The following DENND1A variants were observed in gnomAD, a reference collection of about 807,000 sequenced individuals.
DENND1A encodes the protein DENN domain containing 1A.
A neutral mutation model predicts 113.7 loss-of-function variants in DENND1A; 51 were observed. That is an observed-to-expected ratio of 0.45 (90% CI 0.36 to 0.57). The LOEUF is 0.57. Ranked by LOEUF, DENND1A falls within the 20% of genes least tolerant of loss-of-function variation. DENND1A has a pLI of 0.00. For synonymous variants in DENND1A, 565 were observed against 570.8 expected (o/e 0.99, Z 0.14); for missense variants, 1,258 against 1,395.9 (o/e 0.90, Z 1.57).
chr9:123,779,457 G>A (rs1385298977), intron 3 of DENND1A, among the ~76,000 whole-genome samples: 1 of 152,100 alleles, frequency 6.6e-6, no homozygotes, highest in African/African-American at 2.4e-5. Flanking sequence ...GTTCACTTCT[G>A]AACTACCTCT....
intron 8 of DENND1A, among the ~76,000 whole-genome samples, chr9:123,662,765 A>G (rs1175912244): frequency 1.3e-5 from 2 of 152,240 alleles, no homozygotes; most frequent in African/African-American, 4.8e-5. Flanking sequence ...CTACTTCAGT[A>G]TGCTCATTAA....
chr9:123,785,388 T>A (rs778648594), intron 3 of DENND1A, among the ~76,000 whole-genome samples: 1 of 152,056 alleles, frequency 6.6e-6, no homozygotes, highest in Non-Finnish European at 1.5e-5. Context: ...AAAGTGTTTT[T>A]TCTTCAGCAA....
At chr9:123,688,440 A>G (rs2064957097) in intron 5 of DENND1A, among the ~76,000 whole-genome samples, 1 of 152,220 alleles carries the variant, frequency 6.6e-6, no homozygotes, top group South Asian at 2.1e-4. Context: ...CACTGAGTAG[A>G]GAGTGGAATA....
chr9:123,672,912 C>T (rs1344811703), intron 6 of DENND1A, among the ~76,000 whole-genome samples: 2 of 152,240 alleles, frequency 1.3e-5, no homozygotes, highest in Non-Finnish European at 2.9e-5. Context: ...ACCTTATCCT[C>T]AAGTTTTGCC....
intron 19 of DENND1A, among the ~76,000 whole-genome samples, chr9:123,416,221 C>T (rs557401495): frequency 1.3e-5 from 2 of 152,294 alleles, no homozygotes. Context: ...AGCCCACAGC[C>T]CAGGGCTGGG....
intron 1 of DENND1A, among the ~76,000 whole-genome samples, chr9:123,917,975 G>A (rs1296652230): frequency 1.3e-5 from 2 of 150,788 alleles, no homozygotes; most frequent in African/African-American, 2.4e-5. Flanking sequence ...TTAGCCGGGC[G>A]TGGTGGCGGG....
At chr9:123,396,021 G>C (rs2043115907) in intron 21 of DENND1A, among the ~76,000 whole-genome samples, 1 of 152,044 alleles carries the variant, frequency 6.6e-6, no homozygotes, top group South Asian at 2.1e-4. Flanking sequence ...CAAAGAGAAA[G>C]CTACAACATG....
chr9:123,507,167 C>T (rs185823242), intron 13 of DENND1A, among the ~76,000 whole-genome samples: 42 of 151,942 alleles, frequency 2.8e-4, no homozygotes, highest in Admixed American at 1.3e-3. Context: ...CCAGCCTGGG[C>T]GACAGAGTGA....
intron 13 of DENND1A, among the ~76,000 whole-genome samples, chr9:123,468,839 T>C (rs946327752): frequency 6.6e-6 from 1 of 152,262 alleles, no homozygotes; most frequent in South Asian, 2.1e-4. Flanking sequence ...CAAGGTCTGC[T>C]GAGCTCCTGT....
At chr9:123,574,449 T>G (rs2058527846) in intron 12 of DENND1A, among the ~76,000 whole-genome samples, 1 of 152,214 alleles carries the variant, frequency 6.6e-6, no homozygotes, top group South Asian at 2.1e-4. Context: ...CTTTCTGTAA[T>G]TCAAGGAATT....
chr9:123,680,459 A>C (rs961406439), intron 5 of DENND1A, among the ~76,000 whole-genome samples: 7 of 152,192 alleles, frequency 4.6e-5, no homozygotes, highest in African/African-American at 1.7e-4. Flanking sequence ...AGTCAAAATC[A>C]CCCTGAAAAA....
chr9:123,789,967 C>T (rs1376297703), intron 3 of DENND1A, among the ~76,000 whole-genome samples: 9 of 148,702 alleles, frequency 6.1e-5, no homozygotes, highest in African/African-American at 1.0e-4. Flanking sequence ...ATGAGAAAAA[C>T]TGGGGGAGGG....
In DENND1A at chr9:123,552,563, C is replaced by T. The variant is rs117337304; in HGVS notation, c.993+5007G>A. ...TCCCCCACCTGTATGGGCAGTACCC[C>T]AGGACCCTGCATGGTGGGCACTGTT... On this transcript the variant is annotated intron_variant, in intron 13 of 23. Coordinates refer to ENST00000394215, the MANE Select transcript of DENND1A (RefSeq NM_001352964.2). Among the ~76,000 whole-genome samples the T allele has an allele frequency of 3.7e-3, 559 of 152,348 alleles. 3 individuals are homozygous for T. Among genetic ancestry groups the T allele is most frequent in the Non-Finnish European group, 6.5e-3 (443 of 68,022 alleles).
At chr9:123,444,541 C>A (rs1256657155) in intron 18 of DENND1A, among the ~76,000 whole-genome samples, 1 of 152,112 alleles carries the variant, frequency 6.6e-6, no homozygotes, top group Non-Finnish European at 1.5e-5. Context: ...GTAATCCCAG[C>A]TATTTGGGAG....
At chr9:123,432,440 C>T (rs1304924086) in intron 19 of DENND1A, among the ~76,000 whole-genome samples, 1 of 152,190 alleles carries the variant, frequency 6.6e-6, no homozygotes, top group Non-Finnish European at 1.5e-5. Flanking sequence ...GTCCAAACAA[C>T]TCTGGACAGC....
chr9:123,602,226 T>C (rs1278813803), intron 11 of DENND1A, among the ~76,000 whole-genome samples: 1 of 152,252 alleles, frequency 6.6e-6, no homozygotes, highest in African/African-American at 2.4e-5. Flanking sequence ...AAATTGTCTC[T>C]AGATTACTTA....
intron 11 of DENND1A, among the ~76,000 whole-genome samples, chr9:123,592,289 C>T (rs952197946): frequency 2.0e-5 from 3 of 152,330 alleles, no homozygotes; most frequent in Middle Eastern, 3.4e-3. Context: ...ATTATACTCT[C>T]ATGCTATTAA....
intron 5 of DENND1A, among the ~76,000 whole-genome samples, chr9:123,738,441 T>TTGTGTG (rs760641686): frequency 0.027 from 3,288 of 123,390 alleles, 77 homozygotes; most frequent in African/African-American, 0.079. Flanking sequence ...TGTCAACAGC[T>TTGTGTG]TCTGTGTGTG....
At chr9:123,383,095 G>T (rs965320157) in intron 23 of DENND1A, among the ~76,000 whole-genome samples, 1 of 152,184 alleles carries the variant, frequency 6.6e-6, no homozygotes, top group African/African-American at 2.4e-5. Flanking sequence ...CCTGGCCCAG[G>T]TCCTCGTTCC....
Sources: allele counts gnomAD v4.1 joint callset (sites outside exome capture counted in the v4.1 genomes callset), GRCh38; gene constraint gnomAD v4.1.1; transcripts MANE v1.5; gene names NCBI Gene and HGNC (gene_info 2026-07-23, HGNC 2026-07-21).